Variants in KDM8 observed in about 807,000 individuals in gnomAD.
The protein encoded by KDM8 is bifunctional peptidase and arginyl-hydroxylase JMJD5.
KDM8 carries 35 observed loss-of-function variants against 46.9 expected under a neutral mutation model. The observed-to-expected ratio is 0.75, with a 90% CI of 0.57 to 0.99. The LOEUF (loss-of-function observed/expected upper bound fraction) is 0.99. KDM8 is among the 50% of genes least tolerant of loss of function. KDM8 has a pLI of 0.00. For missense variants in KDM8, 475 were observed against 537.0 expected, an observed-to-expected ratio of 0.88 and a Z score of 1.14; for synonymous variants, 232 against 227.7, an observed-to-expected ratio of 1.02 and a Z score of -0.17.
chr16:27,213,715 G>A lies in KDM8; in HGVS notation c.629G>A (p.Gly210Asp). 1 of 1,614,200 alleles carries A rather than the reference G, an allele frequency of 6.2e-7. No homozygotes were observed. The highest frequency in any genetic ancestry group is 8.5e-7 in the Non-Finnish European group (1 of 1,180,032). Reference sequence around the variant, plus strand: ...CCAGGGAGGCCCGTGATCCTGAAAGGCGTGGCTGACCACTGGCCGTGCATG... The same window carrying A: ...CCAGGGAGGCCCGTGATCCTGAAAGACGTGGCTGACCACTGGCCGTGCATG... ...LVPGRPVILK[G>D]VADHWPCMQK... The change falls in exon 3 of 8, where the codon GGC (glycine) becomes GAC (aspartate). Residue 210 changes from glycine to aspartate, a missense_variant. By Grantham distance (94) the Gly-to-Asp change is moderately conservative. Coordinates refer to ENST00000286096, the MANE Select transcript of KDM8 (RefSeq NM_024773.3).
intron 6 of KDM8, among the ~76,000 whole-genome samples, chr16:27,219,980 C>T (rs148931087): frequency 6.6e-4 from 101 of 152,246 alleles, no homozygotes; most frequent in Non-Finnish European, 1.2e-3. Flanking sequence ...TTTGGGAGAC[C>T]GAGTCAGGAG....
intron 1 of KDM8, chr16:27,204,178 A>T (rs1431975301): frequency 3.3e-6 from 5 of 1,498,016 alleles, no homozygotes; most frequent in South Asian, 2.5e-5. Flanking sequence ...AGTGCGGGGT[A>T]CGGGGGACCC....
chr16:27,219,252 A>C, intron 6 of KDM8, 142 bp downstream of exon 6: 1 of 918,742 alleles, frequency 1.1e-6, no homozygotes, highest in Admixed American at 3.1e-5. Flanking sequence ...ATATAAAGCA[A>C]ACCCACAAAC....
chr16:27,220,044 A>C (rs999171101), intron 6 of KDM8, among the ~76,000 whole-genome samples: 2 of 151,916 alleles, frequency 1.3e-5, no homozygotes, highest in African/African-American at 4.8e-5. Flanking sequence ...TTAAAACCTA[A>C]TCTCTACCAA....
intron 5 of KDM8, 177 bp downstream of exon 5, chr16:27,216,166 C>G (rs570811577): frequency 3.1e-6 from 2 of 653,612 alleles, no homozygotes. Context: ...ACAGGAAACA[C>G]TGGGGGGTCG....
rs780097184 is a variant in KDM8, at chr16:27,218,984, C to A, written c.867C>A (p.Ile289=). 2 of 1,614,152 alleles carry A rather than the reference C, an allele frequency of 1.2e-6. No individual in the cohort carries two copies. The highest frequency in any genetic ancestry group is 2.2e-5 in the South Asian group (2 of 91,072). ...FDQIPELKQD[I]SIPDYCSLGD... is the part of the protein sequence containing the mutation. Reference sequence around the variant, plus strand: ...AGATCCCGGAGTTGAAGCAGGACATCAGCATCCCCGACTACTGCAGCCTGG... The same window carrying A: ...AGATCCCGGAGTTGAAGCAGGACATAAGCATCCCCGACTACTGCAGCCTGG... Residue 289 remains isoleucine, a synonymous_variant, in exon 6 of 8, where the codon ATC becomes ATA. Coordinates refer to ENST00000286096, the MANE Select transcript of KDM8 (RefSeq NM_024773.3).
At chr16:27,207,676 G>T (rs2083440789) in intron 1 of KDM8, among the ~76,000 whole-genome samples, 2 of 152,256 alleles carry the variant, frequency 1.3e-5, no homozygotes, top group Admixed American at 6.5e-5. Flanking sequence ...AAACTCCTGA[G>T]CTCAAGCAAT....
rs1036258385 is a variant in KDM8, at chr16:27,221,182, G to C, written c.*452G>C. 25 of 315,980 alleles carry C rather than the reference G, an allele frequency of 7.9e-5. No individual in the cohort carries two copies. The highest frequency in any genetic ancestry group is 1.3e-4 in the Non-Finnish European group (21 of 159,716). The allele number at this position is 315,980 out of a possible 1,614,324, so 19.6% of individuals were successfully genotyped here. ...CCATATGGAAAAGAGGGCAAGGCCA[G>C]TCCTCACTGCCGAGGGCCGAGAAGG... is the stretch of plus-strand genomic sequence containing the variant. On this transcript the variant is annotated 3_prime_UTR_variant, in exon 8 of 8. Transcript: ENST00000286096.
chr16:27,221,019 AGCCGAATGT>A lies in KDM8; in HGVS notation c.*290_*298del. ...CTGCATGGGGACTCTGGCATCAGAAAGCCGAATGTTTTTGGGAAACGGGTGGGTCACACA... is the reference window on the plus strand; with the variant it reads ...CTGCATGGGGACTCTGGCATCAGAAATTTTGGGAAACGGGTGGGTCACACA... On this transcript the variant is annotated 3_prime_UTR_variant, in exon 8 of 8. Coordinates refer to ENST00000286096, the MANE Select transcript of KDM8 (RefSeq NM_024773.3). The A allele has an allele frequency of 2.1e-6, 1 of 469,316 alleles. No individual in the cohort carries two copies. Among genetic ancestry groups the A allele is most frequent in the Non-Finnish European group, 3.9e-6 (1 of 253,650 alleles). The allele number at this position is 469,316 out of a possible 1,614,324, so 29.1% of individuals were successfully genotyped here.
chr16:27,214,807 C>A (rs1042394117), intron 3 of KDM8, 69 bp from the exon 4 acceptor site: 3 of 1,570,494 alleles, frequency 1.9e-6, no homozygotes, highest in Non-Finnish European at 2.6e-6. Flanking sequence ...GGACCACATG[C>A]AAAGCACACT....
At position 27,220,486 on chromosome 16, in the gene KDM8, G is replaced by T. The variant is rs2140978165; in HGVS notation, c.1086+1G>T. 6.2e-7 allele frequency: 1 copy of T among 1,614,156 alleles called. No homozygotes were observed. The highest frequency in any genetic ancestry group is 2.2e-5 in the East Asian group (1 of 44,876). On this transcript the variant is annotated splice_donor_variant, in intron 7 of 7. Coordinates refer to ENST00000286096, the MANE Select transcript of KDM8 (RefSeq NM_024773.3). LOFTEE classifies it high-confidence loss of function. ...GCACCTTCTCCATAACACGAGCCAG[G>T]TGGGCACTGGGGGTCTGGGGTGACG...
chr16:27,220,980 T>A lies in KDM8; in HGVS notation c.*250T>A, dbSNP rs1162163962. The A allele has an allele frequency of 1.4e-5, 8 of 558,604 alleles. No homozygotes were observed. The highest frequency in any genetic ancestry group is 2.6e-5 in the Non-Finnish European group (8 of 309,778). The allele number at this position is 558,604 out of a possible 1,614,324, so 34.6% of individuals were successfully genotyped here. A position where few individuals can be genotyped will look rare whatever the true frequency, so the allele number is the denominator to read the frequency against. On this transcript the variant is annotated 3_prime_UTR_variant, in exon 8 of 8. Coordinates refer to ENST00000286096, the MANE Select transcript of KDM8 (RefSeq NM_024773.3). Reference sequence around the variant, plus strand: ...AGGTGGGGAGAGCCCAGAAGGACATTGCAGACAGACAGCCTGCATGGGGAC... The same window carrying A: ...AGGTGGGGAGAGCCCAGAAGGACATAGCAGACAGACAGCCTGCATGGGGAC...
At chr16:27,210,879 C>T (rs549090044) in intron 2 of KDM8, among the ~76,000 whole-genome samples, 16 of 152,340 alleles carry the variant, frequency 1.1e-4, no homozygotes, top group Non-Finnish European at 1.5e-4. Context: ...CCTTCTGCCT[C>T]AGCCTCCTTA....
intron 6 of KDM8, 36 bp downstream of exon 6, chr16:27,219,146 C>A: frequency 1.3e-6 from 2 of 1,561,940 alleles, no homozygotes; most frequent in East Asian, 2.3e-5. Context: ...CCTTCTAACT[C>A]CTCCTGGCCC....
intron 4 of KDM8, among the ~76,000 whole-genome samples, chr16:27,215,494 T>C (rs1458333849): frequency 6.6e-6 from 1 of 152,058 alleles, no homozygotes; most frequent in Non-Finnish European, 1.5e-5. Flanking sequence ...GTGGGGCAAA[T>C]TGCTTGAGCC....
chr16:27,213,291 AC>A (rs2083506773), intron 2 of KDM8: 1 of 287,014 alleles, frequency 3.5e-6, no homozygotes. Flanking sequence ...GAATGAGAAG[AC>A]CTTAAGATGG....
In KDM8 at chr16:27,213,637, T is replaced by C. The variant is rs1313374597; in HGVS notation, c.551T>C (p.Val184Ala). Residue 184 changes from valine to alanine, a missense_variant, in exon 3 of 8, where the codon GTC becomes GCC. Val to Ala is a moderately conservative substitution (Grantham distance 64). Transcript: ENST00000286096. ...CCAGATGTGAAGTTAGAAAAAACAG[T>C]CCCCCGGCTGCACCGTCCGTCCCTC... ...LIPDVKLEKT[V>A]PRLHRPSLQH... is the part of the protein sequence containing the mutation. 3 of 1,613,896 alleles carry C rather than the reference T, an allele frequency of 1.9e-6. No individual in the cohort carries two copies. Among genetic ancestry groups the C allele is most frequent in the Admixed American group, 3.3e-5 (2 of 59,978 alleles).
At chr16:27,209,416 G>T (rs535533966) in intron 1 of KDM8, among the ~76,000 whole-genome samples, 3 of 152,186 alleles carry the variant, frequency 2.0e-5, no homozygotes, top group Non-Finnish European at 4.4e-5. Context: ...TTGTAGAGAC[G>T]GCGTCTTGCC....
At chr16:27,211,016 C>A in intron 2 of KDM8, 1 of 387,450 alleles carries the variant, frequency 2.6e-6, no homozygotes. Context: ...TGGCCTAAAG[C>A]AGTCCTCCTG....
Sources: allele counts gnomAD v4.1 joint callset (sites outside exome capture counted in the v4.1 genomes callset), GRCh38; gene constraint gnomAD v4.1.1; transcripts MANE v1.5; gene names NCBI Gene and HGNC (gene_info 2026-07-23, HGNC 2026-07-21).